RASA1: variants seen among roughly 807,000 people sequenced by gnomAD.
The protein encoded by RASA1 is ras GTPase-activating protein 1.
In RASA1, 25 loss-of-function variants were observed where a neutral mutation model predicts 132.2. The ratio of observed to expected loss-of-function variants is 0.19; its 90% CI spans 0.14 to 0.26. The LOEUF (loss-of-function observed/expected upper bound fraction) is 0.26, where lower values mean the gene tolerates loss of function less well. Among genes scored for constraint, RASA1 ranks in the 10% least tolerant of loss-of-function variants. The pLI, the probability that RASA1 is intolerant of heterozygous loss-of-function variation, is 1.00. For missense variants in RASA1, 964 were observed against 1,299.2 expected (o/e 0.74, Z 3.97); for synonymous variants, 477 against 449.9 (o/e 1.06, Z -0.76).
At chr5:87,310,919 G>A (rs1210882606) in intron 1 of RASA1, among the ~76,000 whole-genome samples, 2 of 152,066 alleles carry the variant, frequency 1.3e-5, no homozygotes, top group Non-Finnish European at 2.9e-5. Context: ...ATTCTTTGCT[G>A]CCACATAGCT....
chr5:87,316,615 GGA>G (rs1464620805), intron 1 of RASA1, among the ~76,000 whole-genome samples: 14 of 152,274 alleles, frequency 9.2e-5, no homozygotes, highest in African/African-American at 3.4e-4. Context: ...TTGAGAACAT[GGA>G]GAGTGGGAGT....
intron 1 of RASA1, among the ~76,000 whole-genome samples, chr5:87,329,751 A>C (rs1350406773): frequency 2.0e-5 from 3 of 152,144 alleles, no homozygotes; most frequent in African/African-American, 7.2e-5. Context: ...CTACTGCTTT[A>C]AGTAATGAGG....
At position 87,383,777 on chromosome 5, in the gene RASA1, T is replaced by A; in HGVS notation, c.2755T>A (p.Ser919Thr). Residue 919 changes from serine (S) to threonine (T), a missense_variant, in exon 21 of 25, where the codon TCA becomes ACA. Transcript: ENST00000274376. ...ILNPRMFNII[S>T]DSPSPIAART... is the part of the protein sequence containing the mutation. Reference sequence around the variant, plus strand: ...GAATCCACGGATGTTCAATATCATCTCAGGTAATCAGCTTTTGATACATTT... The same window carrying A: ...GAATCCACGGATGTTCAATATCATCACAGGTAATCAGCTTTTGATACATTT... 1 of 1,608,646 alleles carries A rather than the reference T, an allele frequency of 6.2e-7. No individual in the cohort carries two copies. Among genetic ancestry groups the A allele is most frequent in the Non-Finnish European group, 8.5e-7 (1 of 1,176,036 alleles).
chr5:87,295,677 G>A (rs1431815042), intron 1 of RASA1, among the ~76,000 whole-genome samples: 2 of 151,742 alleles, frequency 1.3e-5, no homozygotes, highest in African/African-American at 4.8e-5. Context: ...GCTAGTTACT[G>A]TTTGTGCTTT....
At chr5:87,307,178 T>G (rs930727621) in intron 1 of RASA1, among the ~76,000 whole-genome samples, 4 of 152,190 alleles carry the variant, frequency 2.6e-5, no homozygotes, top group Non-Finnish European at 5.9e-5. Flanking sequence ...CGTTAGTCAT[T>G]TTTTAAAAAA....
chr5:87,333,205 C>T (rs1757722130), intron 3 of RASA1, 62 bp from the exon 4 acceptor site: 4 of 1,588,788 alleles, frequency 2.5e-6, no homozygotes, highest in Non-Finnish European at 3.4e-6. Flanking sequence ...GTGGATATAC[C>T]TCTTTTGACT....
Position 87,267,895 on chromosome 5 carries a change from C to T in RASA1, c.-557C>T. 4 of 397,072 alleles carry T rather than the reference C, an allele frequency of 1.0e-5. No individual in the cohort carries two copies. The highest frequency in any genetic ancestry group is 1.8e-5 in the Non-Finnish European group (4 of 225,706). 24.6% of individuals were successfully genotyped at this position (397,072 alleles called of 1,614,324 possible). On this transcript the variant is annotated 5_prime_UTR_variant, in exon 1 of 25. Coordinates refer to ENST00000274376, the MANE Select transcript of RASA1 (RefSeq NM_002890.3). ...TCTCTCCCGTTTCACTCACTGAGAG[C>T]TCCAGGTAGTGAGCAGTTCAGTCGA...
chr5:87,362,450 A>G (rs2112455704), intron 9 of RASA1, 101 bp from the exon 10 acceptor site: 1 of 1,140,826 alleles, frequency 8.8e-7, no homozygotes, highest in East Asian at 2.5e-5. Context: ...TCTAGATTTT[A>G]GTATTTTAAG....
intron 1 of RASA1, among the ~76,000 whole-genome samples, chr5:87,302,801 A>G (rs1054414590): frequency 2.0e-5 from 3 of 151,686 alleles, no homozygotes; most frequent in Admixed American, 1.3e-4. Flanking sequence ...AACTTCTCAC[A>G]TCCCAGATTA....
chr5:87,358,263 A>C (rs964508491), intron 9 of RASA1, among the ~76,000 whole-genome samples: 1 of 152,166 alleles, frequency 6.6e-6, no homozygotes, highest in Admixed American at 6.5e-5. Context: ...TTTTGAGACA[A>C]TATACCCCAT....
intron 1 of RASA1, among the ~76,000 whole-genome samples, chr5:87,275,160 C>G (rs1754010401): frequency 6.6e-6 from 1 of 152,106 alleles, no homozygotes; most frequent in South Asian, 2.1e-4. Context: ...GAACAGAGTC[C>G]CTTTAAGAAC....
At position 87,353,649 on chromosome 5, in the gene RASA1, T is replaced by G. The variant is rs116711644; in HGVS notation, c.1332+414T>G. ...TTTCTTTGTTTATTTGCCTGTAGTT[T>G]TACGGTGAGAGGATTTGAGAATGTC... On this transcript the variant is annotated intron_variant, in intron 9 of 24. Transcript: ENST00000274376. Among the ~76,000 whole-genome samples the G allele has an allele frequency of 7.8e-3, 1,192 of 152,214 alleles. 14 individuals are homozygous for G. The highest frequency in any genetic ancestry group is 0.028 in the African/African-American group (1,144 of 41,538).
chr5:87,385,419 A>G, intron 22 of RASA1, 30 bp downstream of exon 22: 1 of 1,478,536 alleles, frequency 6.8e-7, no homozygotes, highest in Non-Finnish European at 9.4e-7. Context: ...TTAAAATGTA[A>G]TTTATGAATG....
In RASA1 at chr5:87,329,113, T is replaced by G. The variant is rs141062405; in HGVS notation, c.540-2235T>G. ...ATTAATGTCTTTCTCCTGAACTGAC[T>G]TATCCATTTTAATGCTCAGATCTTA... On this transcript the variant is annotated intron_variant, in intron 1 of 24. Transcript: ENST00000274376. Among the ~76,000 whole-genome samples, 402 of 152,238 alleles carry G rather than the reference T, an allele frequency of 2.6e-3. 5 individuals carry two copies. Among genetic ancestry groups the G allele is most frequent in the East Asian group, 8.3e-3 (43 of 5,186 alleles).
At chr5:87,361,009 AAC>A (rs1435695253) in intron 9 of RASA1, among the ~76,000 whole-genome samples, 1 of 152,212 alleles carries the variant, frequency 6.6e-6, no homozygotes, top group Non-Finnish European at 1.5e-5. Context: ...AATACTTTGC[AAC>A]ACAGTTACAC....
intron 1 of RASA1, among the ~76,000 whole-genome samples, chr5:87,287,047 A>T (rs1238228244): frequency 6.8e-6 from 1 of 147,892 alleles, no homozygotes; most frequent in African/African-American, 2.5e-5. Context: ...TACACACCAT[A>T]TATATACCCC....
At chr5:87,362,697 C>G (rs772203792) in intron 10 of RASA1, 26 bp downstream of exon 10, 1 of 1,595,252 alleles carries the variant, frequency 6.3e-7, no homozygotes, top group Admixed American at 1.7e-5. Flanking sequence ...TATCATTAAC[C>G]CATTTGATAG....
At chr5:87,286,976 T>G (rs892560989) in intron 1 of RASA1, among the ~76,000 whole-genome samples, 26 of 148,520 alleles carry the variant, frequency 1.8e-4, no homozygotes, top group African/African-American at 6.2e-4. Flanking sequence ...ACACCATATA[T>G]ATACCATATA....
Position 87,268,432 on chromosome 5 carries a change from A to G in RASA1, c.-20A>G. On this transcript the variant is annotated 5_prime_UTR_variant, in exon 1 of 25. Coordinates refer to ENST00000274376, the MANE Select transcript of RASA1 (RefSeq NM_002890.3). ...GGCTCCCGGGCGGGCAGGGTAGGGCAGAGTAGAGCGGGCTTCAACATGATG... is the reference window on the plus strand; with the variant it reads ...GGCTCCCGGGCGGGCAGGGTAGGGCGGAGTAGAGCGGGCTTCAACATGATG... 1 of 1,533,396 alleles carries G rather than the reference A, an allele frequency of 6.5e-7. No homozygotes were observed. The highest frequency in any genetic ancestry group is 1.2e-5 in the South Asian group (1 of 81,494). The allele number at this position is 1,533,396 out of a possible 1,614,324, so 95.0% of individuals were successfully genotyped here.
Sources: gnomAD v4.1 joint callset for allele counts (sites outside exome capture counted in the v4.1 genomes callset) on GRCh38, gnomAD v4.1.1 for gene constraint, MANE v1.5 for transcripts, NCBI Gene and HGNC (gene_info 2026-07-23, HGNC 2026-07-21) for gene names.